The following PRKD1 variants were observed in gnomAD, a reference collection of about 807,000 sequenced individuals.
PRKD1 encodes the protein protein kinase D1, also known as serine/threonine-protein kinase D1.
A neutral mutation model predicts 95.9 loss-of-function variants in PRKD1; 63 were observed. The observed-to-expected ratio is 0.66, with a 90% CI of 0.54 to 0.81. PRKD1 has a LOEUF of 0.81. PRKD1 is among the 30% of genes least tolerant of loss of function. The probability of loss-of-function intolerance (pLI) is 0.00; values close to 1 mark genes in which losing one functional copy is unlikely to be tolerated. For missense variants in PRKD1, 1,048 were observed against 1,165.3 expected (o/e 0.90, Z 1.47); for synonymous variants, 425 against 423.1 (o/e 1.00, Z -0.05).
At chr14:29,604,504 G>T (rs1014341975) in intron 13 of PRKD1, among the ~76,000 whole-genome samples, 1 of 152,116 alleles carries the variant, frequency 6.6e-6, no homozygotes, top group African/African-American at 2.4e-5. Flanking sequence ...ATTCTAAATG[G>T]TATGCAGATC....
chr14:29,756,646 GT>G (rs1278178087), intron 1 of PRKD1, among the ~76,000 whole-genome samples: 2 of 152,204 alleles, frequency 1.3e-5, no homozygotes, highest in African/African-American at 2.4e-5. Flanking sequence ...GTACTCATGT[GT>G]TTTCAGGAAC....
At chr14:29,741,794 C>T (rs1446387620) in intron 1 of PRKD1, among the ~76,000 whole-genome samples, 1 of 152,066 alleles carries the variant, frequency 6.6e-6, no homozygotes, top group African/African-American at 2.4e-5. Context: ...CACTTATATT[C>T]ATTATATCTA....
chr14:29,645,267 C>T (rs375388701), intron 4 of PRKD1, among the ~76,000 whole-genome samples: 1 of 152,062 alleles, frequency 6.6e-6, no homozygotes, highest in East Asian at 1.9e-4. Context: ...AACCCCTTAA[C>T]CTTGACCTAC....
chr14:29,757,503 G>A (rs1359032988), intron 1 of PRKD1, among the ~76,000 whole-genome samples: 1 of 152,058 alleles, frequency 6.6e-6, no homozygotes, highest in African/African-American at 2.4e-5. Context: ...ACTGACTGAC[G>A]GTTCAGTATG....
rs567142088 is a variant in PRKD1, at chr14:29,634,959, G to A, written c.1191-418C>T. On this transcript the variant is annotated intron_variant, in intron 7 of 17. Coordinates refer to ENST00000331968, the MANE Select transcript of PRKD1 (RefSeq NM_002742.3). ...CTGAGGCAGAGAATTGCTTGAACTC[G>A]GGAGGCAGAGGTTGCAATGAGCCAA... Among the ~76,000 whole-genome samples the A allele has an allele frequency of 5.3e-5, 8 of 152,016 alleles. No homozygotes were observed. The South Asian group carries it at 1.2e-3, about 24-fold the overall frequency.
rs997029191 is a variant in PRKD1, at chr14:29,781,865, G to A, written c.265-56191C>T. Among the ~76,000 whole-genome samples, 4 of 152,258 alleles carry A rather than the reference G, an allele frequency of 2.6e-5. No homozygotes were observed. The East Asian group carries it at 5.8e-4, about 22-fold the overall frequency. Reference sequence around the variant, plus strand: ...AAAGAGTATTTAAACGGAGACAACAGTATCATTTGTGAATTCTTTAAAAGA... The same window carrying A: ...AAAGAGTATTTAAACGGAGACAACAATATCATTTGTGAATTCTTTAAAAGA... On this transcript the variant is annotated intron_variant, in intron 1 of 17. Transcript: ENST00000331968.
chr14:29,778,291 C>A (rs966277783), intron 1 of PRKD1, among the ~76,000 whole-genome samples: 5 of 151,954 alleles, frequency 3.3e-5, no homozygotes, highest in African/African-American at 9.7e-5. Context: ...AAGATCGGAG[C>A]AGAAATGAAG....
intron 1 of PRKD1, among the ~76,000 whole-genome samples, chr14:29,926,135 A>G (rs935060853): frequency 3.3e-5 from 5 of 152,206 alleles, no homozygotes; most frequent in African/African-American, 1.2e-4. Context: ...GGAGCTTTTA[A>G]CATTCCTGTG....
At chr14:29,895,060 T>C (rs887142031) in intron 1 of PRKD1, among the ~76,000 whole-genome samples, 1 of 152,156 alleles carries the variant, frequency 6.6e-6, no homozygotes, top group Non-Finnish European at 1.5e-5. Context: ...AGCCGGGCGC[T>C]GTGGCTCACG....
chr14:29,598,737 T>A (rs1893404545), intron 15 of PRKD1, among the ~76,000 whole-genome samples: 1 of 152,168 alleles, frequency 6.6e-6, no homozygotes, highest in Non-Finnish European at 1.5e-5. Flanking sequence ...TCTTGCCCAT[T>A]AATGAGCAGG....
intron 1 of PRKD1, among the ~76,000 whole-genome samples, chr14:29,822,817 A>C (rs1055300682): frequency 6.6e-6 from 1 of 152,176 alleles, no homozygotes; most frequent in African/African-American, 2.4e-5. Flanking sequence ...TCTTTTTACA[A>C]AGAAAATACT....
In PRKD1 at chr14:29,927,319, A is replaced by C; in HGVS notation, c.194T>G (p.Leu65Arg). Residue 65 changes from leucine (L) to arginine (R), a missense_variant, in exon 1 of 18, where the codon CTG (leucine) becomes CGG (arginine). Coordinates refer to ENST00000331968, the MANE Select transcript of PRKD1 (RefSeq NM_002742.3). ...IGLSREPVLLLQDSSGDYSLA... is the reference protein window; with the variant it reads ...IGLSREPVLLRQDSSGDYSLA... ...GCTGTAGTCCCCGGACGAGTCCTGC[A>C]GCAGCAGCACCGGCTCACGGCTCAG... The C allele has an allele frequency of 4.5e-6, 7 of 1,560,284 alleles. No homozygotes were observed. The highest frequency in any genetic ancestry group is 6.1e-6 in the Non-Finnish European group (7 of 1,155,008).
chr14:29,711,963 A>G (rs975384972), intron 2 of PRKD1, among the ~76,000 whole-genome samples: 13 of 152,168 alleles, frequency 8.5e-5, no homozygotes. Context: ...ATCACCATTA[A>G]CAAATAGACA....
chr14:29,590,968 CG>C (rs1171648675), intron 16 of PRKD1: 1 of 152,096 alleles, frequency 6.6e-6, no homozygotes, highest in Admixed American at 6.6e-5. Context: ...TCAGTAGAGA[CG>C]GGGTTTCATG....
chr14:29,634,433 G>T lies in PRKD1; in HGVS notation c.1299C>A (p.Thr433=), dbSNP rs1168676031. ...TGGATCTTACCAGCGTGTCCTTGCTGGTGTAGTGGACCATCCATCCTTCTT... is the reference window on the plus strand; with the variant it reads ...TGGATCTTACCAGCGTGTCCTTGCTTGTGTAGTGGACCATCCATCCTTCTT... ...VMKEGWMVHY[T]SKDTLRKRHY... is the part of the protein sequence containing the mutation. Residue 433 remains threonine (T), a synonymous_variant, in exon 8 of 18, where the codon ACC becomes ACA. Transcript: ENST00000331968. 6.2e-7 allele frequency: 1 copy of T among 1,614,036 alleles called. No homozygotes were observed. The highest frequency in any genetic ancestry group is 1.7e-5 in the Admixed American group (1 of 60,006).
chr14:29,855,658 C>T (rs574690874), intron 1 of PRKD1, among the ~76,000 whole-genome samples: 1 of 152,270 alleles, frequency 6.6e-6, no homozygotes, highest in South Asian at 2.1e-4. Context: ...TGGTTGGGCT[C>T]AGAGTTCCCA....
chr14:29,811,647 C>T (rs777645671), intron 1 of PRKD1, among the ~76,000 whole-genome samples: 1 of 152,176 alleles, frequency 6.6e-6, no homozygotes, highest in Non-Finnish European at 1.5e-5. Flanking sequence ...GCAGTTGTTG[C>T]GCAGGAGCAG....
At chr14:29,817,832 G>A (rs1471403369) in intron 1 of PRKD1, among the ~76,000 whole-genome samples, 1 of 152,018 alleles carries the variant, frequency 6.6e-6, no homozygotes, top group Non-Finnish European at 1.5e-5. Flanking sequence ...AGAAAACATT[G>A]TGATTACAAA....
intron 1 of PRKD1, among the ~76,000 whole-genome samples, chr14:29,871,209 A>C (rs1261526499): frequency 1.3e-5 from 2 of 152,222 alleles, no homozygotes; most frequent in Non-Finnish European, 2.9e-5. Context: ...TGGAAATGAC[A>C]TTTAATCTGG....
Sources: allele counts gnomAD v4.1 joint callset (sites outside exome capture counted in the v4.1 genomes callset), GRCh38; gene constraint gnomAD v4.1.1; transcripts MANE v1.5; gene names NCBI Gene and HGNC (gene_info 2026-07-23, HGNC 2026-07-21).